The following PLAAT3 variants were observed in gnomAD, a reference collection of about 807,000 sequenced individuals.
The protein encoded by PLAAT3 is phospholipase A and acyltransferase 3.
PLAAT3 carries 21 observed loss-of-function variants against 16.7 expected under a neutral mutation model. The observed-to-expected ratio is 1.26, with a 90% CI of 0.89 to 1.81. The LOEUF (loss-of-function observed/expected upper bound fraction) is 1.81. PLAAT3 is among the 40% of genes most tolerant of loss of function. The probability of loss-of-function intolerance (pLI) is 0.00; values close to 1 mark genes in which losing one functional copy is unlikely to be tolerated. For missense variants in PLAAT3, 219 were observed against 213.7 expected (o/e 1.02, Z -0.16); for synonymous variants, 76 against 81.7 (o/e 0.93, Z 0.38).
intron 4 of PLAAT3, among the ~76,000 whole-genome samples, chr11:63,585,134 T>C (rs1304024915): frequency 6.6e-6 from 1 of 151,694 alleles, no homozygotes; most frequent in Admixed American, 6.6e-5. Flanking sequence ...TTCAAGCAAT[T>C]CTGCCTCAGC....
intron 3 of PLAAT3, among the ~76,000 whole-genome samples, chr11:63,591,349 T>G (rs1218553393): frequency 6.6e-6 from 1 of 152,118 alleles, no homozygotes; most frequent in East Asian, 1.9e-4. Context: ...GCCGCTGCAC[T>G]CCGACCTGGA....
intron 3 of PLAAT3, 54 bp from the exon 4 acceptor site, chr11:63,590,422 G>A: frequency 6.4e-7 from 1 of 1,550,478 alleles, no homozygotes. Flanking sequence ...GGGCCACGGA[G>A]GCTCAGAGCT....
chr11:63,579,872 TAAAA>T (rs34817353), intron 4 of PLAAT3, among the ~76,000 whole-genome samples: 2 of 107,118 alleles, frequency 1.9e-5, no homozygotes, highest in African/African-American at 3.4e-5. Flanking sequence ...TAAAGTATAA[TAAAA>T]AAAAAAAAAA....
intron 3 of PLAAT3, among the ~76,000 whole-genome samples, chr11:63,591,408 G>T (rs1938149650): frequency 6.6e-6 from 1 of 151,976 alleles, no homozygotes; most frequent in South Asian, 2.1e-4. Context: ...GAAAAAGTAG[G>T]TATGCACTCA....
chr11:63,605,167 G>T (rs1938524533), intron 2 of PLAAT3, among the ~76,000 whole-genome samples: 1 of 152,054 alleles, frequency 6.6e-6, no homozygotes, highest in South Asian at 2.1e-4. Flanking sequence ...AGCCAAGGTG[G>T]GTGGATCACC....
chr11:63,578,004 T>A (rs1404364231), intron 4 of PLAAT3, among the ~76,000 whole-genome samples: 1 of 152,056 alleles, frequency 6.6e-6, no homozygotes, highest in Non-Finnish European at 1.5e-5. Flanking sequence ...ACAATCCGGC[T>A]GGGTGCAGTG....
At position 63,576,305 on chromosome 11, in the gene PLAAT3, A is replaced by C. The variant is rs189486473; in HGVS notation, c.388-1259T>G. ...CCCCACTTTTTTTTTGACAGACTGA[A>C]AACTGTTCAGCACAGTATGAAAGAG... On this transcript the variant is annotated intron_variant, in intron 4 of 4. Coordinates refer to ENST00000415826, the MANE Select transcript of PLAAT3 (RefSeq NM_001128203.2). 4.3e-3 allele frequency among the ~76,000 whole-genome samples: 659 copies of C among 152,258 alleles called. 4 individuals carry two copies. The highest frequency in any genetic ancestry group is 6.8e-3 in the Middle Eastern group (2 of 294).
chr11:63,585,397 G>T (rs948174701), intron 4 of PLAAT3, among the ~76,000 whole-genome samples: 1 of 152,028 alleles, frequency 6.6e-6, no homozygotes, highest in Non-Finnish European at 1.5e-5. Context: ...TTCTCAACTG[G>T]AGACAGTTTT....
chr11:63,584,281 T>G (rs571758761), intron 4 of PLAAT3, among the ~76,000 whole-genome samples: 1 of 151,000 alleles, frequency 6.6e-6, no homozygotes, highest in Non-Finnish European at 1.5e-5. Flanking sequence ...GAGTATAGCT[T>G]CTGGTTGCTT....
intron 2 of PLAAT3, among the ~76,000 whole-genome samples, chr11:63,600,961 C>T (rs1207460214): frequency 1.3e-5 from 2 of 150,570 alleles, no homozygotes; most frequent in Non-Finnish European, 2.9e-5. Flanking sequence ...TTTATTAAGA[C>T]TCACAGAAGT....
intron 4 of PLAAT3, among the ~76,000 whole-genome samples, chr11:63,576,413 C>T (rs2017661769): frequency 6.6e-6 from 1 of 152,144 alleles, no homozygotes; most frequent in Admixed American, 6.6e-5. Flanking sequence ...CACTTGAGGC[C>T]AGGAGTTCCA....
At chr11:63,584,849 G>A (rs1042401093) in intron 4 of PLAAT3, among the ~76,000 whole-genome samples, 4 of 152,090 alleles carry the variant, frequency 2.6e-5, no homozygotes, top group African/African-American at 7.2e-5. Context: ...CTGCTTCAAA[G>A]AGCTCAGCAC....
chr11:63,583,227 C>G (rs1288771684), intron 4 of PLAAT3, among the ~76,000 whole-genome samples: 3 of 152,148 alleles, frequency 2.0e-5, no homozygotes, highest in Non-Finnish European at 2.9e-5. Flanking sequence ...TCTTTAAATG[C>G]TCCTCTAAAA....
intron 2 of PLAAT3, chr11:63,598,816 C>T (rs1002922125): frequency 1.1e-5 from 5 of 463,908 alleles, no homozygotes; most frequent in African/African-American, 7.9e-5. Context: ...TAATGTCCCC[C>T]GGCTGCTCAG....
intron 2 of PLAAT3, among the ~76,000 whole-genome samples, chr11:63,612,219 C>G (rs1938712549): frequency 6.6e-6 from 1 of 152,054 alleles, no homozygotes; most frequent in Non-Finnish European, 1.5e-5. Flanking sequence ...GCTATATTAC[C>G]CAGGGTAGTT....
At chr11:63,594,459 A>G (rs1420329422) in intron 3 of PLAAT3, among the ~76,000 whole-genome samples, 1 of 152,196 alleles carries the variant, frequency 6.6e-6, no homozygotes, top group East Asian at 1.9e-4. Context: ...CAGGAAGGTC[A>G]CTCACATCAA....
At chr11:63,596,257 A>AAG in intron 3 of PLAAT3, among the ~76,000 whole-genome samples, 1 of 150,040 alleles carries the variant, frequency 6.7e-6, no homozygotes, top group East Asian at 1.9e-4. Context: ...AAAAAAAAAA[A>AAG]AAAAAAAGAG....
chr11:63,599,731 A>T (rs2134419900), intron 2 of PLAAT3, among the ~76,000 whole-genome samples: 1 of 152,286 alleles, frequency 6.6e-6, no homozygotes, highest in Admixed American at 6.5e-5. Context: ...AAAGAGTATT[A>T]ATTGTTTGGT....
chr11:63,615,669 G>T (rs1389567018), upstream of PLAAT3, among the ~76,000 whole-genome samples: 1 of 149,790 alleles, frequency 6.7e-6, no homozygotes, highest in Non-Finnish European at 1.5e-5. Flanking sequence ...ACTTTTTGGG[G>T]TTTTTTGTTT....
Sources: gnomAD v4.1 joint callset for allele counts (sites outside exome capture counted in the v4.1 genomes callset) on GRCh38, gnomAD v4.1.1 for gene constraint, MANE v1.5 for transcripts, NCBI Gene and HGNC (gene_info 2026-07-23, HGNC 2026-07-21) for gene names.